The following PARG variants were observed in gnomAD, a reference collection of about 807,000 sequenced individuals.
PARG encodes poly(ADP-ribose) glycohydrolase, also known as mitochondrial poly(ADP-ribose) glycohydrolase.
Under a neutral mutation model 113.0 loss-of-function variants are expected in PARG, and 35 were observed. The ratio of observed to expected loss-of-function variants is 0.31; its 90% CI spans 0.24 to 0.41. The LOEUF (loss-of-function observed/expected upper bound fraction) is 0.41, where lower values mean the gene tolerates loss of function less well. Among genes scored for constraint, PARG ranks in the 10% least tolerant of loss-of-function variants. The pLI is 1.00. For synonymous variants in PARG, 330 were observed against 409.9 expected, an observed-to-expected ratio of 0.81 and a Z score of 2.36; for missense variants, 797 against 1,169.4, an observed-to-expected ratio of 0.68 and a Z score of 4.64.
At chr10:49,924,388 A>T (rs1420245091) in intron 4 of PARG, among the ~76,000 whole-genome samples, 1 of 152,230 alleles carries the variant, frequency 6.6e-6, no homozygotes, top group Non-Finnish European at 1.5e-5. Flanking sequence ...TATGTTATGA[A>T]TACGAGGAAC....
chr10:49,856,547 T>C (rs1206498543), intron 13 of PARG, among the ~76,000 whole-genome samples: 2 of 152,360 alleles, frequency 1.3e-5, no homozygotes, highest in South Asian at 2.1e-4. Context: ...TTTCTCTAAA[T>C]ACTGTTCCTG....
At chr10:49,883,753 A>T (rs1847324157) in intron 8 of PARG, among the ~76,000 whole-genome samples, 1 of 151,288 alleles carries the variant, frequency 6.6e-6, no homozygotes, top group Non-Finnish European at 1.5e-5. Flanking sequence ...GTGAGCCAAG[A>T]TCATGCCACT....
intron 1 of PARG, 51 bp from the exon 2 acceptor site, chr10:49,935,193 C>G: frequency 1.5e-6 from 1 of 684,126 alleles, no homozygotes; most frequent in Non-Finnish European, 2.7e-6. Context: ...AAAACATATA[C>G]AGCATATTGT....
chr10:49,839,858 T>C (rs527933502), intron 15 of PARG, among the ~76,000 whole-genome samples: 1 of 152,338 alleles, frequency 6.6e-6, no homozygotes, highest in Non-Finnish European at 1.5e-5. Context: ...CTACTTTCCT[T>C]TTCCATATTT....
chr10:49,849,030 T>C (rs1286534711), intron 13 of PARG, among the ~76,000 whole-genome samples: 1 of 152,084 alleles, frequency 6.6e-6, no homozygotes, highest in Non-Finnish European at 1.5e-5. Context: ...ACCCCGTCTC[T>C]ACTAAAAATA....
chr10:49,907,130 T>C (rs1554845189), intron 7 of PARG, among the ~76,000 whole-genome samples: 1 of 152,222 alleles, frequency 6.6e-6, no homozygotes, highest in African/African-American at 2.4e-5. Context: ...ATATTCCATA[T>C]TTCATTATGC....
At chr10:49,867,786 A>T (rs1162169147) in intron 10 of PARG, among the ~76,000 whole-genome samples, 2 of 151,536 alleles carry the variant, frequency 1.3e-5, no homozygotes, top group Non-Finnish European at 2.9e-5. Context: ...TCCTCAAAGT[A>T]TCTGAAATCC....
intron 6 of PARG, among the ~76,000 whole-genome samples, chr10:49,919,818 T>C (rs1837697786): frequency 6.6e-6 from 1 of 152,174 alleles, no homozygotes; most frequent in African/African-American, 2.4e-5. Flanking sequence ...GAGGTGTAGG[T>C]TGCAGTGAGC....
chr10:49,905,424 C>T (rs1199365806), intron 7 of PARG, among the ~76,000 whole-genome samples: 2 of 152,194 alleles, frequency 1.3e-5, no homozygotes, highest in Non-Finnish European at 2.9e-5. Flanking sequence ...TCTCTCCTCT[C>T]GCCCTTTATT....
chr10:49,826,950 C>T (rs1554829485), intron 16 of PARG, among the ~76,000 whole-genome samples: 1 of 152,202 alleles, frequency 6.6e-6, no homozygotes, highest in East Asian at 1.9e-4. Flanking sequence ...GGAACCAACA[C>T]AAACAGAGGG....
chr10:49,938,994 C>A (rs1838885936), intron 1 of PARG, among the ~76,000 whole-genome samples: 1 of 152,048 alleles, frequency 6.6e-6, no homozygotes, highest in Admixed American at 6.5e-5. Context: ...AATACAGCCC[C>A]AAGTATTCAT....
intron 15 of PARG, among the ~76,000 whole-genome samples, chr10:49,837,114 T>TC (rs564603734): frequency 1.3e-5 from 2 of 151,920 alleles, no homozygotes; most frequent in African/African-American, 2.4e-5. Flanking sequence ...AGGAGACTGG[T>TC]CCCCCCCTTT....
At chr10:49,907,123 T>A (rs1358190328) in intron 7 of PARG, among the ~76,000 whole-genome samples, 2 of 152,306 alleles carry the variant, frequency 1.3e-5, no homozygotes, top group African/African-American at 4.8e-5. Flanking sequence ...TTTGAAAATA[T>A]TCCATATTTC....
chr10:49,856,304 T>C (rs1845984823), intron 13 of PARG, among the ~76,000 whole-genome samples: 1 of 151,420 alleles, frequency 6.6e-6, no homozygotes, highest in African/African-American at 2.4e-5. Context: ...CTCAGCCTCC[T>C]GAGTAGCTGG....
chr10:49,843,493 G>A (rs1476968227), intron 14 of PARG, 61 bp downstream of exon 14: 4 of 1,009,252 alleles, frequency 4.0e-6, no homozygotes, highest in Non-Finnish European at 6.1e-6. Context: ...GAGTGTGTGA[G>A]GGTCAAGCCC....
At chr10:49,848,317 C>G (rs1845606241) in intron 13 of PARG, among the ~76,000 whole-genome samples, 1 of 148,690 alleles carries the variant, frequency 6.7e-6, no homozygotes, top group Non-Finnish European at 1.5e-5. Flanking sequence ...CCACTGCACT[C>G]CAGCCTGGTG....
At chr10:49,826,359 T>C (rs1303602891) in intron 16 of PARG, among the ~76,000 whole-genome samples, 1 of 152,136 alleles carries the variant, frequency 6.6e-6, no homozygotes, top group Non-Finnish European at 1.5e-5. Context: ...ACTCCTACCT[T>C]CCATTTTTGG....
At chr10:49,903,053 T>C (rs1848417698) in intron 7 of PARG, among the ~76,000 whole-genome samples, 1 of 151,750 alleles carries the variant, frequency 6.6e-6, no homozygotes, top group African/African-American at 2.4e-5. Context: ...TCTCGATCTC[T>C]TGACCTCGTG....
intron 7 of PARG, among the ~76,000 whole-genome samples, chr10:49,904,991 A>T (rs1390047943): frequency 6.6e-6 from 1 of 152,244 alleles, no homozygotes; most frequent in Non-Finnish European, 1.5e-5. Context: ...CTAAAAGTCA[A>T]GCAAGCACTA....
Sources: allele counts gnomAD v4.1 joint callset (sites outside exome capture counted in the v4.1 genomes callset), GRCh38; gene constraint gnomAD v4.1.1; transcripts MANE v1.5; gene names NCBI Gene and HGNC (gene_info 2026-07-23, HGNC 2026-07-21).